MGAT4A: variants seen among roughly 807,000 people sequenced by gnomAD.
MGAT4A encodes alpha-1,3-mannosyl-glycoprotein 4-beta-N-acetylglucosaminyltransferase A.
A neutral mutation model predicts 74.1 loss-of-function variants in MGAT4A; 33 were observed. That is an observed-to-expected ratio of 0.45 (90% CI 0.34 to 0.60). The LOEUF (loss-of-function observed/expected upper bound fraction) is 0.60, where lower values mean the gene tolerates loss of function less well. Among genes scored for constraint, MGAT4A ranks in the 20% least tolerant of loss-of-function variants. MGAT4A has a pLI of 0.02. For missense variants in MGAT4A, 479 were observed against 628.3 expected (o/e 0.76, Z 2.54); for synonymous variants, 198 against 210.4 (o/e 0.94, Z 0.51).
chr2:98,686,390 G>A (rs1371216748), intron 2 of MGAT4A, among the ~76,000 whole-genome samples: 4 of 152,136 alleles, frequency 2.6e-5, no homozygotes, highest in Non-Finnish European at 4.4e-5. Context: ...TCTCTAAGCT[G>A]TCGGCTAATA....
At chr2:98,727,617 G>C (rs1469914620) in intron 1 of MGAT4A, among the ~76,000 whole-genome samples, 1 of 152,134 alleles carries the variant, frequency 6.6e-6, no homozygotes, top group East Asian at 1.9e-4. Context: ...ACACTGTAGT[G>C]GGGGAGTTAA....
chr2:98,686,993 T>C (rs1227530279), intron 2 of MGAT4A, among the ~76,000 whole-genome samples: 1 of 152,202 alleles, frequency 6.6e-6, no homozygotes, highest in Non-Finnish European at 1.5e-5. Flanking sequence ...TCTTCACTTC[T>C]AAAAATATTA....
intron 2 of MGAT4A, among the ~76,000 whole-genome samples, chr2:98,682,259 C>T (rs1702070005): frequency 6.6e-6 from 1 of 151,882 alleles, no homozygotes; most frequent in South Asian, 2.1e-4. Flanking sequence ...CCCGTCTCTA[C>T]TAAAAATACA....
At chr2:98,644,787 C>T (rs1261583502) in intron 9 of MGAT4A, among the ~76,000 whole-genome samples, 2 of 152,144 alleles carry the variant, frequency 1.3e-5, no homozygotes, top group Non-Finnish European at 2.9e-5. Flanking sequence ...GCGTCTGCCA[C>T]CATGCCAGGC....
At chr2:98,676,339 T>C (rs1701976641) in intron 3 of MGAT4A, among the ~76,000 whole-genome samples, 1 of 152,192 alleles carries the variant, frequency 6.6e-6, no homozygotes, top group African/African-American at 2.4e-5. Context: ...GATAACAAGA[T>C]AAATGTTCCA....
chr2:98,637,523 T>C (rs895190536), intron 12 of MGAT4A, among the ~76,000 whole-genome samples: 20 of 152,160 alleles, frequency 1.3e-4, no homozygotes, highest in African/African-American at 4.1e-4. Flanking sequence ...GGTGTGAGTA[T>C]AATACTCTGT....
intron 1 of MGAT4A, among the ~76,000 whole-genome samples, chr2:98,730,721 G>T (rs1411710613): frequency 6.6e-6 from 1 of 150,532 alleles, no homozygotes; most frequent in African/African-American, 2.4e-5. Flanking sequence ...CGCCGAGCCG[G>T]CCGCAGAGAG....
In MGAT4A at chr2:98,726,546, G is replaced by A; in HGVS notation, c.-214C>T. 2 of 429,004 alleles carry A rather than the reference G, an allele frequency of 4.7e-6. No individual in the cohort carries two copies. Among genetic ancestry groups the A allele is most frequent in the Non-Finnish European group, 8.2e-6 (2 of 242,596 alleles). 26.6% of individuals were successfully genotyped at this position (429,004 alleles called of 1,614,324 possible). On this transcript the variant is annotated 5_prime_UTR_variant, in exon 2 of 16. Coordinates refer to ENST00000393487, the MANE Select transcript of MGAT4A (RefSeq NM_012214.3). The stretch of plus-strand genomic sequence containing the variant: ...ATCGTCTTTGCGGTCTTCACACGCT[G>A]ATGCCTCGGCCTTTTCCCTTCCTAT...
At chr2:98,668,680 C>A (rs1039334273) in intron 4 of MGAT4A, among the ~76,000 whole-genome samples, 5 of 152,176 alleles carry the variant, frequency 3.3e-5, no homozygotes, top group African/African-American at 1.2e-4. Context: ...ATGGCTTTTA[C>A]CACATGCCTG....
At chr2:98,680,192 C>G (rs560701153) in intron 2 of MGAT4A, among the ~76,000 whole-genome samples, 1 of 151,852 alleles carries the variant, frequency 6.6e-6, no homozygotes, top group Non-Finnish European at 1.5e-5. Flanking sequence ...TACAGGCGCG[C>G]GCCACCACAC....
In MGAT4A at chr2:98,625,508, G is replaced by A. The variant is rs967653038; in HGVS notation, c.*58C>T. On this transcript the variant is annotated 3_prime_UTR_variant, in exon 16 of 16. Transcript: ENST00000393487. The stretch of plus-strand genomic sequence containing the variant: ...AAGTAGAAATAAAAAAAAGATACAT[G>A]CTTAACTATCTTTAATTAACAAATT... The A allele has an allele frequency of 1.3e-6, 2 of 1,597,396 alleles. No homozygotes were observed. The highest frequency in any genetic ancestry group is 1.1e-5 in the South Asian group (1 of 87,910).
At chr2:98,707,065 AT>A (rs1046525129) in intron 2 of MGAT4A, among the ~76,000 whole-genome samples, 32 of 152,058 alleles carry the variant, frequency 2.1e-4, no homozygotes, top group African/African-American at 7.7e-4. Flanking sequence ...AAAATACAAA[AT>A]TAGCTGGGTG....
In MGAT4A at chr2:98,708,685, C is replaced by G. The variant is rs1702474637; in HGVS notation, c.94+17554G>C. On this transcript the variant is annotated intron_variant, in intron 2 of 15. Coordinates refer to ENST00000393487, the MANE Select transcript of MGAT4A (RefSeq NM_012214.3). ...ACAGATTTTTGCATGATTCAAGTAT[C>G]CTTTAACTAATGGCAGCATGAACTG... Among the ~76,000 whole-genome samples, 3 of 152,116 alleles carry G rather than the reference C, an allele frequency of 2.0e-5. No individual in the cohort carries two copies. In the South Asian group the frequency reaches 6.2e-4, roughly 31 times the overall value.
At chr2:98,660,141 C>CA (rs1317643173) in intron 5 of MGAT4A, among the ~76,000 whole-genome samples, 1 of 151,852 alleles carries the variant, frequency 6.6e-6, no homozygotes, top group Non-Finnish European at 1.5e-5. Flanking sequence ...AAATAGCTAC[C>CA]AAAAAAATAC....
chr2:98,654,516 ACCAATC>A (rs1701630589), intron 8 of MGAT4A, among the ~76,000 whole-genome samples: 1 of 152,062 alleles, frequency 6.6e-6, no homozygotes, highest in African/African-American at 2.4e-5. Context: ...ACTAACAATG[ACCAATC>A]CAAAAAAAAA....
At chr2:98,687,813 C>T (rs111458477) in intron 2 of MGAT4A, among the ~76,000 whole-genome samples, 1 of 152,150 alleles carries the variant, frequency 6.6e-6, no homozygotes, top group African/African-American at 2.4e-5. Context: ...TTTCCAACAC[C>T]GGCTAGTGCT....
chr2:98,726,143 C>A, intron 2 of MGAT4A, 96 bp downstream of exon 2: 1 of 743,144 alleles, frequency 1.3e-6, no homozygotes, highest in Non-Finnish European at 2.2e-6. Flanking sequence ...ATGTAACATG[C>A]AGATTGCCAG....
At chr2:98,712,280 C>T (rs1323207404) in intron 2 of MGAT4A, among the ~76,000 whole-genome samples, 1 of 152,206 alleles carries the variant, frequency 6.6e-6, no homozygotes, top group Non-Finnish European at 1.5e-5. Flanking sequence ...TCCAGAATCC[C>T]TCATCTGAAT....
At chr2:98,643,689 T>C (rs1296821105) in intron 10 of MGAT4A, among the ~76,000 whole-genome samples, 1 of 152,208 alleles carries the variant, frequency 6.6e-6, no homozygotes, top group African/African-American at 2.4e-5. Context: ...TTACAAACAC[T>C]AGAAACATTT....
Sources: allele counts gnomAD v4.1 joint callset (sites outside exome capture counted in the v4.1 genomes callset), GRCh38; gene constraint gnomAD v4.1.1; transcripts MANE v1.5; gene names NCBI Gene and HGNC (gene_info 2026-07-23, HGNC 2026-07-21).